The following CRPPA variants were observed in gnomAD, a reference collection of about 807,000 sequenced individuals.
CRPPA encodes the protein CDP-L-ribitol pyrophosphorylase A, also known as D-ribitol-5-phosphate cytidylyltransferase.
Under a neutral mutation model 52.0 loss-of-function variants are expected in CRPPA, and 43 were observed. The observed-to-expected ratio is 0.83, with a 90% CI of 0.65 to 1.07. CRPPA has a LOEUF of 1.07. CRPPA is among the 50% of genes least tolerant of loss of function. The pLI is 0.00. For missense variants in CRPPA, 629 were observed against 551.7 expected, an observed-to-expected ratio of 1.14 and a Z score of -1.40; for synonymous variants, 250 against 203.5, an observed-to-expected ratio of 1.23 and a Z score of -1.94.
chr7:16,318,064 G>A (rs1343834167), intron 3 of CRPPA, among the ~76,000 whole-genome samples: 1 of 152,084 alleles, frequency 6.6e-6, no homozygotes. Flanking sequence ...GTCTCTAACT[G>A]GAAGCTCCAT....
At position 16,216,370 on chromosome 7, in the gene CRPPA, CT is replaced by C. The variant is rs1782310325; in HGVS notation, c.1120-174del. The C allele has an allele frequency of 1.5e-5, 7 of 477,052 alleles. No individual in the cohort carries two copies. The East Asian group carries it at 2.5e-4, about 17-fold the overall frequency. The allele number at this position is 477,052 out of a possible 1,614,324, so 29.6% of individuals were successfully genotyped here. Reference sequence around the variant, plus strand: ...CCATACTTAAGATCGATGAATCCTCCTTTATAAACACAGATGTAGTAAACAC... The same window carrying C: ...CCATACTTAAGATCGATGAATCCTCCTTATAAACACAGATGTAGTAAACAC... On this transcript the variant is annotated intron_variant, in intron 8 of 9. Coordinates refer to ENST00000407010, the MANE Select transcript of CRPPA (RefSeq NM_001101426.4).
chr7:16,221,430 C>T (rs928971040), intron 8 of CRPPA, among the ~76,000 whole-genome samples: 1 of 152,120 alleles, frequency 6.6e-6, no homozygotes, highest in African/African-American at 2.4e-5. Flanking sequence ...GCAACAAAAG[C>T]CAAAATTGAC....
At chr7:16,346,376 G>C (rs1003488287) in intron 3 of CRPPA, among the ~76,000 whole-genome samples, 3 of 152,088 alleles carry the variant, frequency 2.0e-5, no homozygotes, top group African/African-American at 7.2e-5. Context: ...TGATCTAAAG[G>C]GTTGAAATTA....
chr7:16,388,768 C>T (rs529810338), intron 2 of CRPPA, among the ~76,000 whole-genome samples: 12 of 152,032 alleles, frequency 7.9e-5, no homozygotes, highest in South Asian at 2.1e-4. Flanking sequence ...CCCAGTTACT[C>T]GGGAGGGTGA....
At chr7:16,302,804 T>C (rs1191137429) in intron 4 of CRPPA, among the ~76,000 whole-genome samples, 5 of 151,852 alleles carry the variant, frequency 3.3e-5, no homozygotes, top group Admixed American at 6.6e-5. Context: ...AATTAGAGGA[T>C]TGAAGTTCTT....
rs35674125 is a variant in CRPPA at position 16,203,248 on chromosome 7, T to C, written c.1251+12818A>G. ...AAATAATAAACATAATGACCTATTG[T>C]TTGGGCGTATCCAGCATCTGTTCCC... On this transcript the variant is annotated intron_variant, in intron 9 of 9. Coordinates refer to ENST00000407010, the MANE Select transcript of CRPPA (RefSeq NM_001101426.4). 9.7e-3 allele frequency among the ~76,000 whole-genome samples: 1,481 copies of C among 152,224 alleles called. 29 individuals are homozygous for C. Among genetic ancestry groups the C allele is most frequent in the African/African-American group, 0.034 (1,419 of 41,546 alleles).
rs537970925 is a variant in CRPPA, at chr7:16,402,953, AG to A, written c.534+3107del. 1.5e-3 allele frequency among the ~76,000 whole-genome samples: 227 copies of A among 152,298 alleles called. 1 individual carries two copies. Among genetic ancestry groups the A allele is most frequent in the African/African-American group, 5.3e-3 (222 of 41,570 alleles). On this transcript the variant is annotated intron_variant, in intron 2 of 9. Coordinates refer to ENST00000407010, the MANE Select transcript of CRPPA (RefSeq NM_001101426.4). ...CATAAAGGACAATAAATCCAAAGCA[AG>A]GGAAAAAGTCTATACAGACACATCA...
intron 3 of CRPPA, among the ~76,000 whole-genome samples, chr7:16,363,789 G>A (rs1224870526): frequency 2.0e-5 from 3 of 152,086 alleles, no homozygotes; most frequent in Non-Finnish European, 4.4e-5. Flanking sequence ...CAAATATGTC[G>A]TTATTGCAGA....
At chr7:16,280,877 G>A (rs552962253) in intron 5 of CRPPA, among the ~76,000 whole-genome samples, 9 of 152,056 alleles carry the variant, frequency 5.9e-5, no homozygotes, top group South Asian at 4.2e-4. Context: ...AAAATTAGCC[G>A]GGCATGATGG....
At chr7:16,236,973 A>G (rs1583454835) in intron 8 of CRPPA, among the ~76,000 whole-genome samples, 1 of 125,630 alleles carries the variant, frequency 8.0e-6, no homozygotes, top group South Asian at 2.4e-4. Flanking sequence ...CACACACACA[A>G]ACTTTTGAAT....
At chr7:16,163,215 C>T (rs943087098) in intron 9 of CRPPA, among the ~76,000 whole-genome samples, 3 of 152,036 alleles carry the variant, frequency 2.0e-5, no homozygotes, top group South Asian at 2.1e-4. Flanking sequence ...ATCTCGTGAT[C>T]TGCCTGCCTC....
At chr7:16,283,556 G>C (rs978213766) in intron 5 of CRPPA, among the ~76,000 whole-genome samples, 11 of 150,926 alleles carry the variant, frequency 7.3e-5, no homozygotes, top group Non-Finnish European at 1.5e-4. Context: ...CTATATATGT[G>C]TGTGTGTGTG....
In CRPPA at chr7:16,387,076, T is replaced by C. The variant is rs1460977828; in HGVS notation, c.535-10835A>G. ...ATATATATATATATATATATATATA[T>C]ATATATATATACACACATATATATA... On this transcript the variant is annotated intron_variant, in intron 2 of 9. Transcript: ENST00000407010. Among the ~76,000 whole-genome samples, 347 of 65,652 alleles carry C rather than the reference T, an allele frequency of 5.3e-3. 8 individuals are homozygous for C. Among genetic ancestry groups the C allele is most frequent in the African/African-American group, 0.029 (326 of 11,422 alleles). 43.1% of individuals were successfully genotyped at this position (65,652 alleles called of 152,430 possible).
intron 9 of CRPPA, among the ~76,000 whole-genome samples, chr7:16,169,963 A>C (rs1485555062): frequency 1.3e-5 from 2 of 152,226 alleles, no homozygotes; most frequent in Non-Finnish European, 2.9e-5. Context: ...GAGTTTAGGA[A>C]GCTCTATATT....
At chr7:16,277,837 A>G (rs1784239577) in intron 6 of CRPPA, among the ~76,000 whole-genome samples, 1 of 152,122 alleles carries the variant, frequency 6.6e-6, no homozygotes, top group Admixed American at 6.5e-5. Context: ...GCTGGCCACT[A>G]TGCCTCTTAA....
At chr7:16,312,450 T>G (rs1194334901) in intron 3 of CRPPA, among the ~76,000 whole-genome samples, 2 of 152,052 alleles carry the variant, frequency 1.3e-5, no homozygotes, top group Non-Finnish European at 2.9e-5. Context: ...GGGCTTTTAT[T>G]CCCTCGTAGC....
chr7:16,091,985 T>C (rs556510703), intron 9 of CRPPA, among the ~76,000 whole-genome samples, 186 bp from the exon 10 acceptor site: 6 of 152,332 alleles, frequency 3.9e-5, no homozygotes, highest in African/African-American at 1.4e-4. Context: ...ACACTTTTCA[T>C]TATAGACCAA....
At chr7:16,107,475 C>G (rs1583360396) in intron 9 of CRPPA, among the ~76,000 whole-genome samples, 1 of 151,510 alleles carries the variant, frequency 6.6e-6, no homozygotes, top group South Asian at 2.1e-4. Context: ...TATTCAAAGT[C>G]TTAAATAAAA....
intron 9 of CRPPA, among the ~76,000 whole-genome samples, chr7:16,178,201 G>C (rs1320354129): frequency 6.6e-6 from 1 of 152,070 alleles, no homozygotes; most frequent in South Asian, 2.1e-4. Context: ...TTATTTGTAA[G>C]ATTCTGGCCC....
Sources: gnomAD v4.1 joint callset for allele counts (sites outside exome capture counted in the v4.1 genomes callset) on GRCh38, gnomAD v4.1.1 for gene constraint, MANE v1.5 for transcripts, NCBI Gene and HGNC (gene_info 2026-07-23, HGNC 2026-07-21) for gene names.